Variants in CTNNA3 observed in about 807,000 individuals in gnomAD.
The protein encoded by CTNNA3 is catenin alpha 3, also known as catenin alpha-3.
In CTNNA3, 76 loss-of-function variants were observed where a neutral mutation model predicts 95.7. The observed-to-expected ratio is 0.79, with a 90% confidence interval of 0.66 to 0.96. The LOEUF (loss-of-function observed/expected upper bound fraction) is 0.96. CTNNA3 is among the 40% of genes least tolerant of loss of function. The pLI is 0.00. For missense variants in CTNNA3, 1,191 were observed against 1,089.8 expected (o/e 1.09, Z -1.31); for synonymous variants, 431 against 374.4 (o/e 1.15, Z -1.74).
intron 5 of CTNNA3, among the ~76,000 whole-genome samples, chr10:67,408,871 A>T (rs1845247102): frequency 1.1e-5 from 1 of 87,354 alleles, no homozygotes; most frequent in Admixed American, 1.5e-4. Flanking sequence ...TTTAAAAGGA[A>T]CTTAAATTTA....
At chr10:67,499,212 T>A (rs565002255) in intron 5 of CTNNA3, among the ~76,000 whole-genome samples, 57 of 152,226 alleles carry the variant, frequency 3.7e-4, no homozygotes, top group Non-Finnish European at 6.8e-4. Flanking sequence ...TGTCGTTGGT[T>A]CTGTTTAGGT....
chr10:67,724,079 C>T (rs1841195073), intron 1 of CTNNA3, among the ~76,000 whole-genome samples: 2 of 152,186 alleles, frequency 1.3e-5, no homozygotes, highest in African/African-American at 2.4e-5. Flanking sequence ...AGCAGTGACC[C>T]TGATAATGCA....
chr10:66,539,258 T>C lies in CTNNA3; in HGVS notation c.1375-18485A>G, dbSNP rs569798498. Among the ~76,000 whole-genome samples the C allele has an allele frequency of 4.6e-5, 7 of 152,064 alleles. No homozygotes were observed. In the South Asian group the frequency reaches 1.5e-3, roughly 32 times the overall value. On this transcript the variant is annotated intron_variant, in intron 10 of 17. Transcript: ENST00000433211. ...TTTCCTTGAAGTGGGAGAGGGCAGG[T>C]AGAAAGAGGGGCAGGTGAGCAGGAA... is the stretch of plus-strand genomic sequence containing the variant.
intron 10 of CTNNA3, among the ~76,000 whole-genome samples, chr10:66,594,594 TCTC>T (rs1278511122): frequency 6.6e-6 from 1 of 152,172 alleles, no homozygotes; most frequent in Admixed American, 6.5e-5. Context: ...GAAAAGCTCT[TCTC>T]CTAGAATTGT....
chr10:67,104,657 A>T (rs1858527974), intron 7 of CTNNA3, among the ~76,000 whole-genome samples: 2 of 151,960 alleles, frequency 1.3e-5, no homozygotes, highest in Admixed American at 1.3e-4. Context: ...CCTGAACTCC[A>T]CAAGTGCAAG....
chr10:67,175,283 T>C (rs1255342053), intron 7 of CTNNA3, among the ~76,000 whole-genome samples: 4 of 152,136 alleles, frequency 2.6e-5, no homozygotes, highest in Non-Finnish European at 4.4e-5. Context: ...CATATCATCA[T>C]AGGAAATAAA....
At chr10:67,350,196 T>C (rs1338219693) in intron 5 of CTNNA3, among the ~76,000 whole-genome samples, 1 of 152,094 alleles carries the variant, frequency 6.6e-6, no homozygotes, top group African/African-American at 2.4e-5. Context: ...GAGCTGAGAA[T>C]AAAACCATGC....
chr10:66,142,988 CA>C, intron 13 of CTNNA3, among the ~76,000 whole-genome samples: 1 of 152,130 alleles, frequency 6.6e-6, no homozygotes, highest in East Asian at 1.9e-4. Flanking sequence ...TCCAGAATAG[CA>C]ATCCATTTTA....
chr10:66,075,578 G>GT (rs1322045161), intron 14 of CTNNA3, among the ~76,000 whole-genome samples: 1 of 151,804 alleles, frequency 6.6e-6, no homozygotes, highest in Non-Finnish European at 1.5e-5. Context: ...AAATATTCAT[G>GT]TAGCCTACCT....
intron 5 of CTNNA3, among the ~76,000 whole-genome samples, chr10:67,313,488 G>A (rs1840909769): frequency 6.6e-6 from 1 of 151,970 alleles, no homozygotes; most frequent in African/African-American, 2.4e-5. Flanking sequence ...CTCAAAGTTG[G>A]GCAAATCACT....
intron 7 of CTNNA3, among the ~76,000 whole-genome samples, chr10:66,790,435 C>A (rs980295905): frequency 1.3e-5 from 2 of 151,906 alleles, no homozygotes; most frequent in Non-Finnish European, 2.9e-5. Flanking sequence ...CCAGTCTGGG[C>A]GACAGAACAA....
chr10:66,479,705 A>G (rs752607412), intron 11 of CTNNA3, among the ~76,000 whole-genome samples: 1 of 152,094 alleles, frequency 6.6e-6, no homozygotes, highest in Non-Finnish European at 1.5e-5. Context: ...TGTTGTGGTA[A>G]GACAAGAGTA....
intron 9 of CTNNA3, among the ~76,000 whole-genome samples, chr10:66,758,811 T>C (rs533930130): frequency 3.5e-4 from 54 of 152,212 alleles, no homozygotes; most frequent in African/African-American, 1.1e-3. Flanking sequence ...GGCAGGCACC[T>C]GTAATCCCAG....
intron 5 of CTNNA3, among the ~76,000 whole-genome samples, chr10:67,222,970 T>C (rs543713202): frequency 6.6e-6 from 1 of 152,356 alleles, no homozygotes; most frequent in Non-Finnish European, 1.5e-5. Context: ...ATGGGGACTT[T>C]GAAATGTTAA....
chr10:66,816,233 A>T (rs1445199369), intron 7 of CTNNA3, among the ~76,000 whole-genome samples: 1 of 152,190 alleles, frequency 6.6e-6, no homozygotes, highest in Non-Finnish European at 1.5e-5. Flanking sequence ...ACTAGAAAAT[A>T]CATATTTAAT....
At chr10:67,339,782 C>CT (rs1174051830) in intron 5 of CTNNA3, among the ~76,000 whole-genome samples, 6 of 152,122 alleles carry the variant, frequency 3.9e-5, no homozygotes, top group Non-Finnish European at 8.8e-5. Context: ...TAACATATCT[C>CT]TAAGAAATTA....
chr10:66,737,165 C>A (rs1221215236), intron 9 of CTNNA3, among the ~76,000 whole-genome samples: 1 of 152,040 alleles, frequency 6.6e-6, no homozygotes, highest in Non-Finnish European at 1.5e-5. Context: ...CATCCCCCAA[C>A]ACACACTAGT....
intron 5 of CTNNA3, among the ~76,000 whole-genome samples, chr10:67,249,180 C>A (rs1866013895): frequency 6.6e-6 from 1 of 151,904 alleles, no homozygotes; most frequent in Admixed American, 6.5e-5. Flanking sequence ...AAAATTTTTG[C>A]AAATTATATA....
intron 13 of CTNNA3, among the ~76,000 whole-genome samples, chr10:66,151,967 G>T (rs1397352866): frequency 2.6e-5 from 4 of 151,912 alleles, no homozygotes; most frequent in Non-Finnish European, 4.4e-5. Flanking sequence ...CTACATTTCT[G>T]CCAGGGAACT....
Sources: gnomAD v4.1 joint callset for allele counts (sites outside exome capture counted in the v4.1 genomes callset) on GRCh38, gnomAD v4.1.1 for gene constraint, MANE v1.5 for transcripts, NCBI Gene and HGNC (gene_info 2026-07-23, HGNC 2026-07-21) for gene names.